ST8SIA6: variants seen among roughly 807,000 people sequenced by gnomAD.
The protein encoded by ST8SIA6 is alpha-2,8-sialyltransferase 8F.
Under a neutral mutation model 33.6 loss-of-function variants are expected in ST8SIA6, and 39 were observed. The observed-to-expected ratio is 1.16, with a 90% CI of 0.90 to 1.52. The LOEUF (loss-of-function observed/expected upper bound fraction) is 1.52. ST8SIA6 is among the 40% of genes most tolerant of loss of function. The pLI is 0.00. For missense variants in ST8SIA6, 441 were observed against 443.8 expected (o/e 0.99, Z 0.06); for synonymous variants, 172 against 167.2 (o/e 1.03, Z -0.22).
intron 4 of ST8SIA6, among the ~76,000 whole-genome samples, chr10:17,331,826 A>G (rs1452809308): frequency 6.6e-6 from 1 of 152,098 alleles, no homozygotes; most frequent in East Asian, 1.9e-4. Context: ...ATACATATGC[A>G]GACATGCAGG....
At chr10:17,382,034 C>T (rs972664328) in intron 3 of ST8SIA6, among the ~76,000 whole-genome samples, 1 of 152,100 alleles carries the variant, frequency 6.6e-6, no homozygotes, top group Non-Finnish European at 1.5e-5. Flanking sequence ...TTCACGGTCT[C>T]AGTTATAATT....
chr10:17,420,536 A>G (rs997547177), intron 2 of ST8SIA6, among the ~76,000 whole-genome samples: 9 of 152,264 alleles, frequency 5.9e-5, no homozygotes, highest in South Asian at 2.1e-4. Context: ...AGGGTCATCT[A>G]GAGACTAGAT....
intron 2 of ST8SIA6, among the ~76,000 whole-genome samples, chr10:17,428,982 C>G (rs190500423): frequency 2.0e-5 from 3 of 151,996 alleles, no homozygotes; most frequent in African/African-American, 7.3e-5. Context: ...TGAGCTGCAC[C>G]GCCACACCCC....
At chr10:17,362,001 A>T (rs1434703819) in intron 3 of ST8SIA6, among the ~76,000 whole-genome samples, 1 of 152,176 alleles carries the variant, frequency 6.6e-6, no homozygotes, top group Non-Finnish European at 1.5e-5. Flanking sequence ...GAATTTCCAC[A>T]ATTTGATAAA....
At chr10:17,401,329 CA>C (rs1851031970) in intron 2 of ST8SIA6, among the ~76,000 whole-genome samples, 2 of 152,156 alleles carry the variant, frequency 1.3e-5, no homozygotes, top group African/African-American at 4.8e-5. Context: ...TAGGAAGAAT[CA>C]ATATCGTGAA....
intron 3 of ST8SIA6, among the ~76,000 whole-genome samples, chr10:17,363,578 A>T (rs932580076): frequency 6.6e-6 from 1 of 152,108 alleles, no homozygotes; most frequent in East Asian, 1.9e-4. Context: ...GGGTGTGAGG[A>T]TCCTCTCGTC....
chr10:17,344,219 G>A (rs1481156254), intron 4 of ST8SIA6, among the ~76,000 whole-genome samples: 2 of 152,204 alleles, frequency 1.3e-5, no homozygotes, highest in African/African-American at 4.8e-5. Flanking sequence ...AGCCCACACA[G>A]TCACTGTCAC....
chr10:17,356,181 A>T (rs904659701), intron 4 of ST8SIA6, among the ~76,000 whole-genome samples: 1 of 151,078 alleles, frequency 6.6e-6, no homozygotes, highest in African/African-American at 2.4e-5. Flanking sequence ...TTTCTTTAAT[A>T]TTTTTTTTTG....
chr10:17,394,884 G>C (rs2131668857), intron 2 of ST8SIA6, among the ~76,000 whole-genome samples: 1 of 152,282 alleles, frequency 6.6e-6, no homozygotes, highest in Non-Finnish European at 1.5e-5. Flanking sequence ...GAATTGCAAA[G>C]ACTCTAAACC....
chr10:17,340,931 T>G (rs1297371396), intron 4 of ST8SIA6, among the ~76,000 whole-genome samples: 1 of 152,210 alleles, frequency 6.6e-6, no homozygotes, highest in Non-Finnish European at 1.5e-5. Flanking sequence ...TCCCAGTGAC[T>G]GCTCTAGACA....
At chr10:17,365,568 A>C (rs1849533595) in intron 3 of ST8SIA6, among the ~76,000 whole-genome samples, 1 of 152,212 alleles carries the variant, frequency 6.6e-6, no homozygotes, top group African/African-American at 2.4e-5. Context: ...TCATCCCTCC[A>C]TTCAGCAGAT....
chr10:17,394,065 A>G (rs770072346), intron 2 of ST8SIA6, among the ~76,000 whole-genome samples: 1 of 152,220 alleles, frequency 6.6e-6, no homozygotes, highest in Non-Finnish European at 1.5e-5. Flanking sequence ...ATGGCGTTGC[A>G]GTATTGAATT....
In ST8SIA6 at chr10:17,396,350, G is replaced by A. The variant is rs1850805676; in HGVS notation, c.201-5730C>T. 2.0e-5 allele frequency among the ~76,000 whole-genome samples: 3 copies of A among 152,188 alleles called. No homozygotes were observed. The South Asian group carries it at 6.2e-4, about 32-fold the overall frequency. ...GGTTTGGTGCCTTGGTAAATTCATA[G>A]TGTCCAATTTGTAGGGCCTTTTATA... On this transcript the variant is annotated intron_variant, in intron 2 of 7. Coordinates refer to ENST00000377602, the MANE Select transcript of ST8SIA6 (RefSeq NM_001004470.3).
intron 2 of ST8SIA6, among the ~76,000 whole-genome samples, chr10:17,420,878 A>C (rs1184300353): frequency 1.3e-5 from 2 of 152,200 alleles, no homozygotes; most frequent in Non-Finnish European, 2.9e-5. Context: ...CGGAAGGCAA[A>C]GGGAAAGCTG....
intron 4 of ST8SIA6, among the ~76,000 whole-genome samples, chr10:17,334,626 TAATC>T (rs1235876997): frequency 1.3e-5 from 2 of 151,472 alleles, no homozygotes; most frequent in Non-Finnish European, 2.9e-5. Flanking sequence ...AAACAATACA[TAATC>T]ATTTATTATC....
intron 7 of ST8SIA6, 26 bp from the exon 8 acceptor site, chr10:17,321,372 T>G: frequency 6.5e-7 from 1 of 1,537,568 alleles, no homozygotes; most frequent in Non-Finnish European, 8.8e-7. Context: ...AAAATTATAG[T>G]AATCCCAAGA....
intron 6 of ST8SIA6, among the ~76,000 whole-genome samples, chr10:17,323,392 C>CTT (rs760856694): frequency 0.034 from 3,772 of 111,836 alleles, 127 homozygotes; most frequent in East Asian, 0.069. Flanking sequence ...AAATATACAC[C>CTT]TTTTTTTTTT....
chr10:17,360,529 G>A (rs1849345149), intron 3 of ST8SIA6, among the ~76,000 whole-genome samples: 1 of 150,360 alleles, frequency 6.7e-6, no homozygotes, highest in African/African-American at 2.4e-5. Context: ...AATAATATTT[G>A]AGGTGGGCTT....
At chr10:17,325,449 ATT>A (rs200127404) in intron 6 of ST8SIA6, among the ~76,000 whole-genome samples, 6 of 77,458 alleles carry the variant, frequency 7.7e-5, no homozygotes, top group African/African-American at 1.7e-4. Context: ...GTGATTATAT[ATT>A]TTACTACTAC....
Sources: allele counts gnomAD v4.1 joint callset (sites outside exome capture counted in the v4.1 genomes callset), GRCh38; gene constraint gnomAD v4.1.1; transcripts MANE v1.5; gene names NCBI Gene and HGNC (gene_info 2026-07-23, HGNC 2026-07-21).